The following RAD54B variants were observed in gnomAD, a reference collection of about 807,000 sequenced individuals.
RAD54B encodes DNA repair and recombination protein RAD54B.
In RAD54B, 78 loss-of-function variants were observed where a neutral mutation model predicts 95.8. That is an observed-to-expected ratio of 0.81 (90% CI 0.68 to 0.98). The LOEUF (loss-of-function observed/expected upper bound fraction) is 0.98. RAD54B is among the 50% of genes least tolerant of loss of function. The pLI is 0.00. For synonymous variants in RAD54B, 328 were observed against 354.9 expected, an observed-to-expected ratio of 0.92 and a Z score of 0.85; for missense variants, 957 against 1,056.6, an observed-to-expected ratio of 0.91 and a Z score of 1.31.
intron 3 of RAD54B, among the ~76,000 whole-genome samples, chr8:94,448,079 T>TG (rs1812563221): frequency 1.3e-5 from 2 of 152,248 alleles, no homozygotes; most frequent in African/African-American, 4.8e-5. Context: ...TATGTTACCT[T>TG]GCTCAAATTA....
At chr8:94,420,437 T>C (rs1811776220) in intron 3 of RAD54B, among the ~76,000 whole-genome samples, 2 of 151,374 alleles carry the variant, frequency 1.3e-5, no homozygotes, top group African/African-American at 4.9e-5. Flanking sequence ...TTTTTTCGTA[T>C]TTTCAATAGA....
intron 11 of RAD54B, among the ~76,000 whole-genome samples, chr8:94,384,359 ACCTGG>A (rs1810818157): frequency 1.3e-5 from 2 of 152,200 alleles, no homozygotes; most frequent in Admixed American, 6.5e-5. Flanking sequence ...ACATGGATAA[ACCTGG>A]AGGACATTAT....
At chr8:94,392,325 G>A (rs182961492) in intron 9 of RAD54B, among the ~76,000 whole-genome samples, 22 of 152,188 alleles carry the variant, frequency 1.4e-4, no homozygotes, top group Non-Finnish European at 2.5e-4. Flanking sequence ...GCAGTGGCAC[G>A]ATCTCGGCTC....
intron 3 of RAD54B, among the ~76,000 whole-genome samples, chr8:94,439,297 G>A (rs1323936009): frequency 6.6e-6 from 1 of 152,128 alleles, no homozygotes; most frequent in Non-Finnish European, 1.5e-5. Context: ...ATGCACACGG[G>A]AGCAACGAAG....
intron 14 of RAD54B, among the ~76,000 whole-genome samples, chr8:94,377,547 A>G (rs1379805706): frequency 6.3e-4 from 1 of 1,580 alleles, no homozygotes; most frequent in East Asian, 5.6e-3. Flanking sequence ...CTGTCTTGGA[A>G]AAAAAAAAAA....
At chr8:94,407,903 C>A (rs1811435044) in intron 4 of RAD54B, among the ~76,000 whole-genome samples, 183 bp from the exon 5 acceptor site, 1 of 152,022 alleles carries the variant, frequency 6.6e-6, no homozygotes, top group Non-Finnish European at 1.5e-5. Context: ...AATAATACAG[C>A]TATCAAATTA....
At chr8:94,396,434 A>G (rs905082464) in intron 8 of RAD54B, among the ~76,000 whole-genome samples, 4 of 151,922 alleles carry the variant, frequency 2.6e-5, no homozygotes, top group African/African-American at 9.7e-5. Context: ...TTTTTTTAAA[A>G]AAGAAATAAA....
At chr8:94,439,079 G>A (rs1812336679) in intron 3 of RAD54B, among the ~76,000 whole-genome samples, 1 of 151,992 alleles carries the variant, frequency 6.6e-6, no homozygotes, top group African/African-American at 2.4e-5. Flanking sequence ...GTGACAGAGC[G>A]AGACCCTGCC....
chr8:94,457,965 G>GA (rs1183179699), intron 3 of RAD54B, among the ~76,000 whole-genome samples: 2 of 151,556 alleles, frequency 1.3e-5, no homozygotes, highest in Non-Finnish European at 2.9e-5. Flanking sequence ...ATGCTTTTTA[G>GA]AAAAAAAATG....
At position 94,399,489 on chromosome 8, in the gene RAD54B, G is replaced by A. The variant is rs772311368; in HGVS notation, c.1303C>T (p.Arg435Cys). Reference sequence around the variant, plus strand: ...GTCTTAATGGCACTGTTCTTCAAACGATGCCCCTCGTCACAGATTAGAAGA... The same window carrying A: ...GTCTTAATGGCACTGTTCTTCAAACAATGCCCCTCGTCACAGATTAGAAGA... ...FDLLICDEGH[R>C]LKNSAIKTTT... Residue 435 changes from arginine to cysteine, a missense_variant, in exon 8 of 15, where the codon CGT (arginine) becomes TGT (cysteine). Arg to Cys is a radical substitution (Grantham distance 180, BLOSUM62 -3). Transcript: ENST00000336148. 1.2e-6 allele frequency: 2 copies of A among 1,613,528 alleles called. No homozygotes were observed. Among genetic ancestry groups the A allele is most frequent in the Non-Finnish European group, 1.7e-6 (2 of 1,179,638 alleles).
chr8:94,403,903 A>G (rs531008574), intron 6 of RAD54B, among the ~76,000 whole-genome samples, 174 bp downstream of exon 6: 2 of 152,286 alleles, frequency 1.3e-5, no homozygotes, highest in Non-Finnish European at 2.9e-5. Flanking sequence ...GCATCTATCA[A>G]GAACCACTTT....
At chr8:94,381,456 G>C (rs1287089483) in intron 11 of RAD54B, among the ~76,000 whole-genome samples, 2 of 151,998 alleles carry the variant, frequency 1.3e-5, no homozygotes, top group Non-Finnish European at 2.9e-5. Context: ...TATTTGAAGT[G>C]AGCTTCAACA....
Position 94,407,428 on chromosome 8 carries a change from T to C in RAD54B, c.781+11A>G. On this transcript the variant is annotated intron_variant, in intron 5 of 14. Coordinates refer to ENST00000336148, the MANE Select transcript of RAD54B (RefSeq NM_012415.3). ...AAAAACAGAAAATTCAAATTATTTT[T>C]AAAATCTTACTTGGCGTATATGGGT... The C allele has an allele frequency of 6.4e-7, 1 of 1,563,514 alleles. No homozygotes were observed. The highest frequency in any genetic ancestry group is 8.7e-7 in the Non-Finnish European group (1 of 1,152,836).
At chr8:94,441,453 A>G (rs961806647) in intron 3 of RAD54B, among the ~76,000 whole-genome samples, 2 of 152,196 alleles carry the variant, frequency 1.3e-5, no homozygotes, top group African/African-American at 4.8e-5. Context: ...TTTATTATAA[A>G]GGATATTACA....
chr8:94,424,135 G>A (rs923193967), intron 3 of RAD54B, among the ~76,000 whole-genome samples: 1 of 152,136 alleles, frequency 6.6e-6, no homozygotes, highest in African/African-American at 2.4e-5. Flanking sequence ...TTACTTATAA[G>A]TAACTTTGAA....
intron 2 of RAD54B, among the ~76,000 whole-genome samples, chr8:94,462,274 T>G (rs1230054883): frequency 6.6e-6 from 1 of 152,204 alleles, no homozygotes; most frequent in Non-Finnish European, 1.5e-5. Context: ...CTTTGTAATT[T>G]TTTTAAGTAT....
intron 3 of RAD54B, among the ~76,000 whole-genome samples, chr8:94,425,363 T>C (rs1811918456): frequency 6.6e-6 from 1 of 151,936 alleles, no homozygotes; most frequent in African/African-American, 2.4e-5. Context: ...CCTAATATTC[T>C]TTTGTTTAAC....
chr8:94,427,749 T>C (rs1811978705), intron 3 of RAD54B: 1 of 977,148 alleles, frequency 1.0e-6, no homozygotes, highest in Middle Eastern at 5.3e-4. Context: ...AAAGAACATG[T>C]GTTAACAAAG....
At position 94,394,642 on chromosome 8, in the gene RAD54B, T is replaced by C; in HGVS notation, c.1379-760A>G. ...TCATATACCTTCTATATATTACATA[T>C]AGTATGCAATAGCTTTAGGCTAATT... On this transcript the variant is annotated intron_variant, in intron 8 of 14. Coordinates refer to ENST00000336148, the MANE Select transcript of RAD54B (RefSeq NM_012415.3). Among the ~76,000 whole-genome samples, 3 of 152,278 alleles carry C rather than the reference T, an allele frequency of 2.0e-5. No homozygotes were observed. The South Asian group carries it at 6.2e-4, about 32-fold the overall frequency.
Sources: gnomAD v4.1 joint callset for allele counts (sites outside exome capture counted in the v4.1 genomes callset) on GRCh38, gnomAD v4.1.1 for gene constraint, MANE v1.5 for transcripts, NCBI Gene and HGNC (gene_info 2026-07-23, HGNC 2026-07-21) for gene names.